RAB7A: variants seen among roughly 807,000 people sequenced by gnomAD.
The protein encoded by RAB7A is RAB7A, member RAS oncogene family.
A neutral mutation model predicts 24.5 loss-of-function variants in RAB7A; 2 were observed. The ratio of observed to expected loss-of-function variants is 0.08; its 90% CI spans 0.03 to 0.26. The LOEUF (loss-of-function observed/expected upper bound fraction) is 0.26. RAB7A is among the 10% of genes least tolerant of loss of function. The probability of loss-of-function intolerance (pLI) is 1.00; values close to 1 mark genes in which losing one functional copy is unlikely to be tolerated. For missense variants in RAB7A, 118 were observed against 255.7 expected, an observed-to-expected ratio of 0.46 and a Z score of 3.67; for synonymous variants, 100 against 95.9, an observed-to-expected ratio of 1.04 and a Z score of -0.25.
intron 1 of RAB7A, among the ~76,000 whole-genome samples, chr3:128,734,349 C>G (rs746837866): frequency 2.0e-5 from 3 of 150,022 alleles, no homozygotes; most frequent in African/African-American, 4.9e-5. Context: ...GACAATCGCT[C>G]GAACCTGGGA....
chr3:128,790,383 C>G (rs1933430518), intron 1 of RAB7A, among the ~76,000 whole-genome samples: 1 of 152,098 alleles, frequency 6.6e-6, no homozygotes, highest in East Asian at 1.9e-4. Context: ...CATTTTTCTC[C>G]AAAGTGGAGG....
At chr3:128,737,329 G>A (rs562315668) in intron 1 of RAB7A, among the ~76,000 whole-genome samples, 16 of 127,170 alleles carry the variant, frequency 1.3e-4, no homozygotes, top group South Asian at 7.7e-4. Flanking sequence ...GTGAGCCACC[G>A]CTCCCGGCCT....
chr3:128,806,645 G>A, intron 4 of RAB7A, 55 bp downstream of exon 4: 3 of 1,531,648 alleles, frequency 2.0e-6, no homozygotes, highest in Non-Finnish European at 2.7e-6. Flanking sequence ...CAGGGGCCTT[G>A]TGAATTTGGA....
At chr3:128,750,419 G>A (rs58412767) in intron 1 of RAB7A, among the ~76,000 whole-genome samples, 4 of 151,986 alleles carry the variant, frequency 2.6e-5, no homozygotes, top group East Asian at 1.9e-4. Context: ...CCGCCACCAC[G>A]CCCAGCTAAT....
chr3:128,735,768 A>G (rs2070484859), intron 1 of RAB7A, among the ~76,000 whole-genome samples: 1 of 152,178 alleles, frequency 6.6e-6, no homozygotes, highest in African/African-American at 2.4e-5. Flanking sequence ...AATGCCTGAG[A>G]TAATCTAGGG....
chr3:128,757,525 T>A (rs1338585404), intron 1 of RAB7A, among the ~76,000 whole-genome samples: 1 of 125,296 alleles, frequency 8.0e-6, no homozygotes, highest in African/African-American at 3.7e-5. Flanking sequence ...TTAAAAACAA[T>A]TTTTTTTTTT....
At chr3:128,790,787 G>A (rs1933438450) in intron 1 of RAB7A, among the ~76,000 whole-genome samples, 1 of 152,120 alleles carries the variant, frequency 6.6e-6, no homozygotes, top group Non-Finnish European at 1.5e-5. Context: ...GTAAAGGCAA[G>A]TCTCTTGTCA....
intron 1 of RAB7A, chr3:128,764,729 C>T (rs934605148): frequency 2.5e-6 from 2 of 801,144 alleles, no homozygotes; most frequent in Middle Eastern, 5.5e-4. Flanking sequence ...GCATTCAGCC[C>T]ACTCTCCCAG....
At chr3:128,770,672 C>G (rs2070876402) in intron 1 of RAB7A, among the ~76,000 whole-genome samples, 1 of 152,146 alleles carries the variant, frequency 6.6e-6, no homozygotes, top group East Asian at 1.9e-4. Flanking sequence ...GGTCTGTAAT[C>G]CAGTGGGCAG....
chr3:128,766,122 G>C (rs989203240), intron 1 of RAB7A, among the ~76,000 whole-genome samples: 2 of 152,042 alleles, frequency 1.3e-5, no homozygotes, highest in Admixed American at 1.3e-4. Flanking sequence ...AATTTTGCAG[G>C]GGCATTAACA....
At chr3:128,778,595 A>G (rs1933147092) in intron 1 of RAB7A, among the ~76,000 whole-genome samples, 1 of 152,254 alleles carries the variant, frequency 6.6e-6, no homozygotes, top group Non-Finnish European at 1.5e-5. Context: ...GAACTTCAGA[A>G]CTGAGAAAGT....
At chr3:128,776,888 T>C (rs564064847) in intron 1 of RAB7A, among the ~76,000 whole-genome samples, 1 of 151,756 alleles carries the variant, frequency 6.6e-6, no homozygotes, top group South Asian at 2.1e-4. Flanking sequence ...TTCTAACGGG[T>C]GTGAGGTGGT....
At position 128,808,571 on chromosome 3, in the gene RAB7A, A is replaced by C. The variant is rs542632812; in HGVS notation, c.528+900A>C. Among the ~76,000 whole-genome samples the C allele has an allele frequency of 7.2e-5, 11 of 152,308 alleles. No individual in the cohort carries two copies. In the South Asian group the frequency reaches 2.1e-3, roughly 29 times the overall value. ...GAAGATGTAGGAAAACTATTCAAGG[A>C]ATATAATACCTAGAATTTCTTATTT... On this transcript the variant is annotated intron_variant, in intron 5 of 5. Transcript: ENST00000265062.
At chr3:128,773,451 G>GC (rs1353308413) in intron 1 of RAB7A, among the ~76,000 whole-genome samples, 3 of 144,352 alleles carry the variant, frequency 2.1e-5, no homozygotes, top group Non-Finnish European at 4.8e-5. Context: ...CCGGCCAGCC[G>GC]CCCCGTCCGG....
At chr3:128,761,068 A>G (rs1370491981) in intron 1 of RAB7A, among the ~76,000 whole-genome samples, 1 of 152,148 alleles carries the variant, frequency 6.6e-6, no homozygotes, top group African/African-American at 2.4e-5. Flanking sequence ...CCAGCCCCCA[A>G]ATCCTTGGCG....
At chr3:128,808,114 T>C (rs945201068) in intron 5 of RAB7A, among the ~76,000 whole-genome samples, 6 of 152,138 alleles carry the variant, frequency 3.9e-5, no homozygotes, top group Non-Finnish European at 8.8e-5. Flanking sequence ...CCTAGCACTT[T>C]GGGAGGCCAA....
chr3:128,771,785 G>T (rs1932942652), intron 1 of RAB7A, among the ~76,000 whole-genome samples: 1 of 152,206 alleles, frequency 6.6e-6, no homozygotes, highest in Admixed American at 6.5e-5. Flanking sequence ...TGTTATACCA[G>T]AGTTGTTCTT....
chr3:128,781,784 C>T (rs576161315), intron 1 of RAB7A, among the ~76,000 whole-genome samples: 5 of 152,172 alleles, frequency 3.3e-5, no homozygotes, highest in South Asian at 2.1e-4. Flanking sequence ...GAGGCCGAGG[C>T]GCTGAATTAC....
chr3:128,810,072 C>T (rs1170107401), intron 5 of RAB7A, among the ~76,000 whole-genome samples: 1 of 150,356 alleles, frequency 6.7e-6, no homozygotes, highest in South Asian at 2.1e-4. Context: ...CCTCAGCCTC[C>T]TGAGTAGCTG....
Sources: allele counts gnomAD v4.1 joint callset (sites outside exome capture counted in the v4.1 genomes callset), GRCh38; gene constraint gnomAD v4.1.1; transcripts MANE v1.5; gene names NCBI Gene and HGNC (gene_info 2026-07-23, HGNC 2026-07-21).